SEPTIN2: variants seen among roughly 807,000 people sequenced by gnomAD.
SEPTIN2 encodes the protein septin 2, also known as septin-2.
Under a neutral mutation model 46.5 loss-of-function variants are expected in SEPTIN2, and 34 were observed. The ratio of observed to expected loss-of-function variants is 0.73; its 90% CI spans 0.56 to 0.97. The LOEUF (loss-of-function observed/expected upper bound fraction) is 0.97. Among genes scored for constraint, SEPTIN2 ranks in the 50% least tolerant of loss-of-function variants. The pLI is 0.00. For synonymous variants in SEPTIN2, 175 were observed against 153.4 expected (o/e 1.14, Z -1.04); for missense variants, 347 against 448.4 (o/e 0.77, Z 2.04).
At chr2:241,316,441 C>T in intron 1 of SEPTIN2, 7 of 1,472,326 alleles carry the variant, frequency 4.8e-6, no homozygotes, top group Non-Finnish European at 6.3e-6. Context: ...ACTGGCCAGC[C>T]CCCAAACCTC....
At chr2:241,324,118 GTCT>G in intron 1 of SEPTIN2, 95 bp from the exon 2 acceptor site, 1 of 1,103,394 alleles carries the variant, frequency 9.1e-7, no homozygotes. Context: ...GTATGTGTAA[GTCT>G]TCTTCAGGTC....
intron 3 of SEPTIN2, among the ~76,000 whole-genome samples, chr2:241,329,032 AAAG>A (rs2078512171): frequency 6.6e-6 from 1 of 152,124 alleles, no homozygotes; most frequent in South Asian, 2.1e-4. Flanking sequence ...CACACACAAA[AAAG>A]GTAGAGATTT....
rs146841568 is a variant in SEPTIN2 at position 241,333,228 on chromosome 2, A to T, written c.131-1898A>T. On this transcript the variant is annotated intron_variant, in intron 3 of 12. Transcript: ENST00000391971. The stretch of plus-strand genomic sequence containing the variant: ...TTGTAGTATTAATAGCTCAAGAAAA[A>T]TGGGTGTATCAGGAAAACCCTAACA... Among the ~76,000 whole-genome samples the T allele has an allele frequency of 3.2e-4, 49 of 152,336 alleles. No homozygotes were observed. In the East Asian group the frequency reaches 6.4e-3, roughly 20 times the overall value.
chr2:241,326,648 A>G (rs572664249), intron 3 of SEPTIN2, among the ~76,000 whole-genome samples: 252 of 150,068 alleles, frequency 1.7e-3, no homozygotes, highest in African/African-American at 6.0e-3. Context: ...AAAAGGCATT[A>G]TGGCCCCCCA....
At chr2:241,335,309 T>C in intron 4 of SEPTIN2, 97 bp downstream of exon 4, 1 of 1,560,618 alleles carries the variant, frequency 6.4e-7, no homozygotes, top group South Asian at 1.2e-5. Context: ...GTGTTTTGTT[T>C]GTTCTTGTTC....
At chr2:241,334,540 T>C (rs1402965268) in intron 3 of SEPTIN2, among the ~76,000 whole-genome samples, 1 of 152,156 alleles carries the variant, frequency 6.6e-6, no homozygotes, top group African/African-American at 2.4e-5. Context: ...GCCCGACATA[T>C]GACAGTTGCC....
At chr2:241,331,981 T>C (rs1025785303) in intron 3 of SEPTIN2, among the ~76,000 whole-genome samples, 1 of 152,232 alleles carries the variant, frequency 6.6e-6, no homozygotes, top group East Asian at 1.9e-4. Flanking sequence ...GGGGCAAGTT[T>C]AGTCTTTTTA....
chr2:241,341,430 G>A (rs1219369327), intron 7 of SEPTIN2, among the ~76,000 whole-genome samples: 4 of 152,266 alleles, frequency 2.6e-5, no homozygotes, highest in South Asian at 4.1e-4. Flanking sequence ...CCTCCAAAGT[G>A]TAAGCTCCAT....
chr2:241,320,602 A>T (rs2076983766), intron 1 of SEPTIN2, among the ~76,000 whole-genome samples: 1 of 152,170 alleles, frequency 6.6e-6, no homozygotes, highest in African/African-American at 2.4e-5. Context: ...TCACCTGGCC[A>T]GCATGGTGAG....
chr2:241,343,509 A>C (rs572256206), intron 8 of SEPTIN2, among the ~76,000 whole-genome samples: 1 of 152,312 alleles, frequency 6.6e-6, no homozygotes, highest in Admixed American at 6.5e-5. Flanking sequence ...AAAAAAAAAA[A>C]AATTTGATAC....
At chr2:241,351,446 T>A (rs555075327) in intron 12 of SEPTIN2, 1 of 152,342 alleles carries the variant, frequency 6.6e-6, no homozygotes, top group African/African-American at 2.4e-5. Context: ...CACCTTAGAA[T>A]AGTCCTGAGG....
intron 12 of SEPTIN2, chr2:241,351,505 G>A (rs1009496345): frequency 2.6e-5 from 4 of 152,072 alleles, no homozygotes; most frequent in Admixed American, 6.6e-5. Flanking sequence ...TTGCCGCTCC[G>A]AGAGTTTAAA....
intron 11 of SEPTIN2, 117 bp downstream of exon 11, chr2:241,348,308 A>T: frequency 1.7e-6 from 1 of 603,882 alleles, no homozygotes; most frequent in Non-Finnish European, 2.8e-6. Context: ...GCTCACTGCA[A>T]CCTCTGCCTC....
intron 3 of SEPTIN2, among the ~76,000 whole-genome samples, chr2:241,333,142 G>A (rs921851961): frequency 6.6e-6 from 1 of 152,092 alleles, no homozygotes; most frequent in African/African-American, 2.4e-5. Context: ...AACAGGTAGG[G>A]GGTTGAGGGT....
intron 1 of SEPTIN2, chr2:241,320,344 T>G (rs1358965573): frequency 3.2e-5 from 15 of 470,586 alleles, no homozygotes; most frequent in Middle Eastern, 3.2e-4. Flanking sequence ...TTCCAGTTTT[T>G]GGTTCTGTAT....
chr2:241,337,159 A>G (rs573530791), intron 5 of SEPTIN2: 3 of 503,804 alleles, frequency 6.0e-6, no homozygotes, highest in African/African-American at 3.9e-5. Flanking sequence ...ATCATAACCT[A>G]TTCCATTCAG....
chr2:241,344,369 A>G (rs939085195), intron 9 of SEPTIN2, among the ~76,000 whole-genome samples: 1 of 152,122 alleles, frequency 6.6e-6, no homozygotes, highest in African/African-American at 2.4e-5. Flanking sequence ...ATTAATAGCA[A>G]TTACAGACCT....
At chr2:241,323,433 T>G (rs1466281134) in intron 1 of SEPTIN2, among the ~76,000 whole-genome samples, 1 of 151,678 alleles carries the variant, frequency 6.6e-6, no homozygotes, top group Non-Finnish European at 1.5e-5. Flanking sequence ...TGAATCAGTA[T>G]TTTTAGTAGA....
intron 9 of SEPTIN2, 79 bp downstream of exon 9, chr2:241,343,976 C>T (rs903215031): frequency 1.4e-5 from 22 of 1,533,102 alleles, no homozygotes; most frequent in African/African-American, 1.1e-4. Flanking sequence ...CACTTGGCCC[C>T]CAAGATAGTT....
Sources: allele counts gnomAD v4.1 joint callset (sites outside exome capture counted in the v4.1 genomes callset), GRCh38; gene constraint gnomAD v4.1.1; transcripts MANE v1.5; gene names NCBI Gene and HGNC (gene_info 2026-07-23, HGNC 2026-07-21).